Variants in AGBL1 observed in about 807,000 individuals in gnomAD.
AGBL1 encodes AGBL carboxypeptidase 1, also known as cytosolic carboxypeptidase 4.
In AGBL1, 130 loss-of-function variants were observed where a neutral mutation model predicts 118.9. The observed-to-expected ratio is 1.09, with a 90% CI of 0.95 to 1.26. The LOEUF (loss-of-function observed/expected upper bound fraction) is 1.26. Among genes scored for constraint, AGBL1 ranks in the 50% most tolerant of loss-of-function variants. The pLI, the probability that AGBL1 is intolerant of heterozygous loss-of-function variation, is 0.00. For missense variants in AGBL1, 1,584 were observed against 1,298.1 expected (o/e 1.22, Z -3.38); for synonymous variants, 555 against 478.9 (o/e 1.16, Z -2.08).
intron 17 of AGBL1, among the ~76,000 whole-genome samples, chr15:86,355,970 G>A (rs2080709065): frequency 6.6e-6 from 1 of 152,172 alleles, no homozygotes; most frequent in Non-Finnish European, 1.5e-5. Context: ...CTGCTTGCCT[G>A]TCTTCTTTTC....
chr15:86,729,256 TC>T (rs2077497553), intron 22 of AGBL1, among the ~76,000 whole-genome samples: 1 of 152,254 alleles, frequency 6.6e-6, no homozygotes, highest in Non-Finnish European at 1.5e-5. Context: ...TTAACTATTT[TC>T]TGAAATCTTC....
intron 21 of AGBL1, among the ~76,000 whole-genome samples, chr15:86,568,462 T>C (rs886765430): frequency 1.3e-5 from 2 of 152,212 alleles, no homozygotes; most frequent in Non-Finnish European, 2.9e-5. Context: ...AGTGCTTGGC[T>C]TGACTTTGTG....
At chr15:86,352,041 T>C (rs973152333) in intron 17 of AGBL1, among the ~76,000 whole-genome samples, 1 of 152,282 alleles carries the variant, frequency 6.6e-6, no homozygotes, top group Non-Finnish European at 1.5e-5. Context: ...TTACGGACAC[T>C]GGGGGCTGAC....
chr15:86,631,379 C>T (rs1165226601), intron 21 of AGBL1, among the ~76,000 whole-genome samples: 3 of 152,206 alleles, frequency 2.0e-5, no homozygotes, highest in Middle Eastern at 3.4e-3. Flanking sequence ...TTAATCTTAG[C>T]AACAGTCTTA....
At chr15:86,181,734 T>C (rs1428923664) in intron 5 of AGBL1, among the ~76,000 whole-genome samples, 1 of 152,064 alleles carries the variant, frequency 6.6e-6, no homozygotes, top group Non-Finnish European at 1.5e-5. Flanking sequence ...TTAAGGAATA[T>C]GCATAGTAAA....
intron 22 of AGBL1, among the ~76,000 whole-genome samples, chr15:86,864,287 T>G (rs1038673629): frequency 1.3e-5 from 2 of 152,178 alleles, no homozygotes; most frequent in Non-Finnish European, 2.9e-5. Context: ...TGATTTCTAG[T>G]TATTTTTCCA....
intron 15 of AGBL1, among the ~76,000 whole-genome samples, chr15:86,278,619 T>C (rs1403839622): frequency 5.3e-5 from 8 of 152,200 alleles, no homozygotes; most frequent in Admixed American, 4.6e-4. Context: ...ACCTACTATT[T>C]CTTCCCTTCC....
At chr15:86,588,583 A>T (rs2084288046) in intron 21 of AGBL1, among the ~76,000 whole-genome samples, 1 of 152,210 alleles carries the variant, frequency 6.6e-6, no homozygotes, top group Non-Finnish European at 1.5e-5. Flanking sequence ...GCCTGAAGTC[A>T]GACACCACGG....
chr15:86,444,832 G>T (rs1025438069), intron 18 of AGBL1, among the ~76,000 whole-genome samples: 3 of 151,946 alleles, frequency 2.0e-5, no homozygotes, highest in African/African-American at 7.3e-5. Flanking sequence ...ATTCCATCTT[G>T]GGAAAAAGGA....
chr15:86,489,186 C>G (rs2082748619), intron 18 of AGBL1, among the ~76,000 whole-genome samples: 1 of 152,086 alleles, frequency 6.6e-6, no homozygotes, highest in South Asian at 2.1e-4. Flanking sequence ...ACTGCCCTGG[C>G]ATCTTTGCCT....
intron 21 of AGBL1, among the ~76,000 whole-genome samples, chr15:86,663,595 C>A (rs1317960274): frequency 6.6e-6 from 1 of 152,012 alleles, no homozygotes; most frequent in South Asian, 2.1e-4. Flanking sequence ...TTGCACAATA[C>A]TGGGCTTGTG....
intron 21 of AGBL1, among the ~76,000 whole-genome samples, chr15:86,635,231 C>T (rs1277816452): frequency 6.8e-6 from 1 of 146,366 alleles, no homozygotes; most frequent in African/African-American, 2.6e-5. Context: ...GGGATATAAT[C>T]ATTTCTTCTT....
At chr15:86,719,829 G>A (rs759524844) in intron 22 of AGBL1, among the ~76,000 whole-genome samples, 8 of 152,188 alleles carry the variant, frequency 5.3e-5, no homozygotes, top group East Asian at 1.9e-4. Flanking sequence ...GGAAATACCC[G>A]TGCCTGTTTA....
chr15:86,143,891 G>C (rs1410436586), intron 3 of AGBL1, 46 bp downstream of exon 3: 1 of 1,597,226 alleles, frequency 6.3e-7, no homozygotes, highest in South Asian at 1.1e-5. Flanking sequence ...GGCACTTCTA[G>C]GGTTGTTATC....
chr15:86,182,750 G>C (rs1435471364), intron 5 of AGBL1, among the ~76,000 whole-genome samples: 1 of 152,086 alleles, frequency 6.6e-6, no homozygotes, highest in Non-Finnish European at 1.5e-5. Flanking sequence ...GATTATGCTG[G>C]AGTTTGATAT....
At chr15:86,129,540 G>A (rs1414311420) in intron 1 of AGBL1, among the ~76,000 whole-genome samples, 2 of 152,158 alleles carry the variant, frequency 1.3e-5, no homozygotes, top group African/African-American at 4.8e-5. Context: ...ATAGGTATGA[G>A]TAATTAATGC....
At chr15:86,587,678 G>T (rs1257291403) in intron 21 of AGBL1, among the ~76,000 whole-genome samples, 1 of 152,188 alleles carries the variant, frequency 6.6e-6, no homozygotes, top group Non-Finnish European at 1.5e-5. Context: ...TTCTTTAAAA[G>T]TACAGCAATT....
intron 22 of AGBL1, among the ~76,000 whole-genome samples, chr15:86,818,764 A>T (rs1183099600): frequency 6.6e-6 from 1 of 152,196 alleles, no homozygotes; most frequent in Non-Finnish European, 1.5e-5. Context: ...GGCTCAGCAT[A>T]GTAATTTTGG....
At chr15:86,206,180 A>T (rs1165436556) in intron 5 of AGBL1, among the ~76,000 whole-genome samples, 2 of 152,296 alleles carry the variant, frequency 1.3e-5, no homozygotes, top group South Asian at 4.1e-4. Context: ...TCCATAGTGT[A>T]TATTTGCCAC....
Sources: gnomAD v4.1 joint callset for allele counts (sites outside exome capture counted in the v4.1 genomes callset) on GRCh38, gnomAD v4.1.1 for gene constraint, MANE v1.5 for transcripts, NCBI Gene and HGNC (gene_info 2026-07-23, HGNC 2026-07-21) for gene names.